IRF6: variants seen among roughly 807,000 people sequenced by gnomAD.
The protein encoded by IRF6 is Van der Woude syndrome.
IRF6 carries 6 observed loss-of-function variants against 51.4 expected under a neutral mutation model. The observed-to-expected ratio is 0.12, with a 90% CI of 0.06 to 0.23. The LOEUF is 0.23. Among genes scored for constraint, IRF6 ranks in the 10% least tolerant of loss-of-function variants. IRF6 has a pLI of 1.00. For synonymous variants in IRF6, 178 were observed against 215.7 expected (o/e 0.83, Z 1.53); for missense variants, 348 against 585.2 (o/e 0.59, Z 4.18).
intron 1 of IRF6, among the ~76,000 whole-genome samples, chr1:209,803,730 G>A (rs1238134237): frequency 1.3e-5 from 2 of 152,150 alleles, no homozygotes; most frequent in Non-Finnish European, 2.9e-5. Flanking sequence ...AGGCAGAGAT[G>A]GAACAATTGA....
At chr1:209,792,787 G>C (rs1036734450) in intron 5 of IRF6, 1 of 312,894 alleles carries the variant, frequency 3.2e-6, no homozygotes, top group Non-Finnish European at 6.1e-6. Context: ...TCCATAAAAC[G>C]AACTCAGCTA....
In IRF6 at chr1:209,801,281, G is replaced by A. The variant is rs774307404; in HGVS notation, c.133C>T (p.Arg45Trp). ...TCCTCTTCTTGTTGAGGGCTATGCC[G>A]GGTGGCATGTTTCCAGGGAATCTGG... ...RFQIPWKHAT[R>W]HSPQQEEENT... The change falls in exon 3 of 9, where the codon CGG (arginine) becomes TGG (tryptophan). Residue 45 changes from arginine to tryptophan, a missense_variant. Arg to Trp is a moderately radical substitution (Grantham distance 101). This residue lies in a region of IRF6 where 48 missense variants were observed against 128.1 expected (regional missense o/e 0.37). Coordinates refer to ENST00000367021, the MANE Select transcript of IRF6 (RefSeq NM_006147.4). 11 of 1,613,822 alleles carry A rather than the reference G, an allele frequency of 6.8e-6. No individual in the cohort carries two copies. The highest frequency in any genetic ancestry group is 5.9e-6 in the Non-Finnish European group (7 of 1,179,970).
chr1:209,792,457 G>A, intron 5 of IRF6, 30 bp from the exon 6 acceptor site: 1 of 1,610,664 alleles, frequency 6.2e-7, no homozygotes, highest in Non-Finnish European at 8.5e-7. Flanking sequence ...TGAGCAGACA[G>A]GGGTACCACA....
Position 209,788,356 on chromosome 1 carries a change from A to C in IRF6, c.*64T>G. On this transcript the variant is annotated 3_prime_UTR_variant, in exon 9 of 9. Coordinates refer to ENST00000367021, the MANE Select transcript of IRF6 (RefSeq NM_006147.4). ...GAGATTTAAAAGCTGGTTAAATCTA[A>C]ACAATAAAAAAATCCATATGTACAA... 8.9e-7 allele frequency: 1 copy of C among 1,121,012 alleles called. No homozygotes were observed. Among genetic ancestry groups the C allele is most frequent in the Non-Finnish European group, 1.3e-6 (1 of 748,824 alleles). 69.4% of individuals were successfully genotyped at this position (1,121,012 alleles called of 1,614,324 possible).
At chr1:209,789,463 A>T (rs2077855600) in intron 8 of IRF6, among the ~76,000 whole-genome samples, 1 of 152,026 alleles carries the variant, frequency 6.6e-6, no homozygotes, top group South Asian at 2.1e-4. Flanking sequence ...GAAAGATAAG[A>T]TCTCCACTAA....
chr1:209,802,839 T>C (rs1206179708), intron 1 of IRF6, among the ~76,000 whole-genome samples: 1 of 152,178 alleles, frequency 6.6e-6, no homozygotes, highest in Non-Finnish European at 1.5e-5. Context: ...AGCTGAAGGC[T>C]CCTACTCAGA....
chr1:209,796,607 A>T lies in IRF6; in HGVS notation c.175-55T>A, dbSNP rs1380106941. On this transcript the variant is annotated intron_variant, in intron 3 of 8. Coordinates refer to ENST00000367021, the MANE Select transcript of IRF6 (RefSeq NM_006147.4). The surrounding 1 kb of genome is among the most constrained non-coding windows in gnomAD (Gnocchi z 4.5). ...TCATTGCCCAGAGCCACTGCAAAGCATGTGCTTACCCTTTCTCATAGACAC... is the reference window on the plus strand; with the variant it reads ...TCATTGCCCAGAGCCACTGCAAAGCTTGTGCTTACCCTTTCTCATAGACAC... 17 of 1,251,446 alleles carry T rather than the reference A, an allele frequency of 1.4e-5. No individual in the cohort carries two copies. Among genetic ancestry groups the T allele is most frequent in the Admixed American group, 1.7e-5 (1 of 57,312 alleles). The allele number at this position is 1,251,446 out of a possible 1,614,324, so 77.5% of individuals were successfully genotyped here. A position where few individuals can be genotyped will look rare whatever the true frequency, so the allele number is the denominator to read the frequency against.
At position 209,790,857 on chromosome 1, in the gene IRF6, C is replaced by T. The variant is rs778658110; in HGVS notation, c.698G>A (p.Arg233His). 5.6e-6 allele frequency: 9 copies of T among 1,612,948 alleles called. No individual in the cohort carries two copies. Among genetic ancestry groups the T allele is most frequent in the African/African-American group, 2.7e-5 (2 of 74,894 alleles). ...MTDLDIKFQYRGKEYGQTMTV... is the reference protein window; with the variant it reads ...MTDLDIKFQYHGKEYGQTMTV... ...CATGGTCTGCCCGTACTCCTTCCCA[C>T]GGTACTGAAACTTGATGTCCAGGTC... Residue 233 changes from arginine (R) to histidine (H), a missense_variant, in exon 7 of 9, where the codon CGT becomes CAT. Transcript: ENST00000367021. The surrounding 1 kb of genome is among the most constrained non-coding windows in gnomAD (Gnocchi z 4.8).
chr1:209,785,989 T>C lies in IRF6; in HGVS notation c.*2431A>G, dbSNP rs2077831055. On this transcript the variant is annotated 3_prime_UTR_variant, in exon 9 of 9. Coordinates refer to ENST00000367021, the MANE Select transcript of IRF6 (RefSeq NM_006147.4). ...AGGTTCTTTTTAACTTGAACTAATC[T>C]TGTTTGGTGGGGTACACAGTGAGGA... 1 of 152,216 alleles carries C rather than the reference T, an allele frequency of 6.6e-6. No individual in the cohort carries two copies. 9.4% of individuals were successfully genotyped at this position (152,216 alleles called of 1,614,324 possible).
intron 6 of IRF6, among the ~76,000 whole-genome samples, chr1:209,791,182 T>C (rs915361934): frequency 6.6e-5 from 10 of 152,222 alleles, no homozygotes; most frequent in Admixed American, 6.5e-4. Context: ...CCCCACGCTA[T>C]ACTGACTGAG....
At position 209,786,407 on chromosome 1, in the gene IRF6, C is replaced by A. The variant is rs933149261; in HGVS notation, c.*2013G>T. 1 of 152,140 alleles carries A rather than the reference C, an allele frequency of 6.6e-6. No individual in the cohort carries two copies. The highest frequency in any genetic ancestry group is 2.4e-5 in the African/African-American group (1 of 41,414). 9.4% of individuals were successfully genotyped at this position (152,140 alleles called of 1,614,324 possible). ...TTTACCAGCTCACATTATCTGGGCT[C>A]CCACCCAGGCTACAGATAGCCTGGC... On this transcript the variant is annotated 3_prime_UTR_variant, in exon 9 of 9. Transcript: ENST00000367021.
At chr1:209,792,624 A>G (rs533638807) in intron 5 of IRF6, 197 bp from the exon 6 acceptor site, 19 of 610,266 alleles carry the variant, frequency 3.1e-5, no homozygotes, top group Non-Finnish European at 5.5e-5. Flanking sequence ...TCCTAGTCAT[A>G]TTATTTCTCC....
Position 209,796,560 on chromosome 1 carries a change from C to T in IRF6, c.175-8G>A. The T allele has an allele frequency of 6.2e-7, 1 of 1,604,558 alleles. No individual in the cohort carries two copies. The highest frequency in any genetic ancestry group is 8.5e-7 in the Non-Finnish European group (1 of 1,175,112). ...TGTCTCTACAGCCCAGGCCTGAGAA[C>T]AAGAAACCACAGTGAGTCCTATCAT... is the stretch of plus-strand genomic sequence containing the variant. On this transcript the variant is annotated splice_polypyrimidine_tract_variant and splice_region_variant and intron_variant, in intron 3 of 8. Coordinates refer to ENST00000367021, the MANE Select transcript of IRF6 (RefSeq NM_006147.4). This position sits in a 1 kb window ranked among gnomAD's most constrained non-coding sequence, Gnocchi z 4.5.
chr1:209,804,120 C>T (rs913521638), intron 1 of IRF6, among the ~76,000 whole-genome samples: 2 of 152,124 alleles, frequency 1.3e-5, no homozygotes, highest in African/African-American at 4.8e-5. Flanking sequence ...TAAAAAACTA[C>T]AAGTAATTTT....
At chr1:209,797,370 CAAAAAAAAAAA>C (rs11418099) in intron 3 of IRF6, among the ~76,000 whole-genome samples, 13 of 48,592 alleles carry the variant, frequency 2.7e-4, no homozygotes, top group African/African-American at 6.4e-4. Context: ...AACTTCATCT[CAAAAAAAAAAA>C]AAAAAAAAAA....
At chr1:209,805,047 G>T (rs1346659842) in intron 1 of IRF6, among the ~76,000 whole-genome samples, 1 of 152,088 alleles carries the variant, frequency 6.6e-6, no homozygotes, top group Non-Finnish European at 1.5e-5. Context: ...GAAGCTGGGG[G>T]ATGGCGAATG....
At chr1:209,797,302 G>A (rs756427307) in intron 3 of IRF6, among the ~76,000 whole-genome samples, 8 of 147,098 alleles carry the variant, frequency 5.4e-5, no homozygotes, top group South Asian at 2.2e-4. Flanking sequence ...CCCGGGAGGT[G>A]GAGATTGTAG....
chr1:209,802,344 A>G (rs943220049), intron 1 of IRF6, among the ~76,000 whole-genome samples: 1 of 152,212 alleles, frequency 6.6e-6, no homozygotes, highest in African/African-American at 2.4e-5. Context: ...AAAGTCTGCA[A>G]TTGATTCTTG....
At chr1:209,805,468 CCAAA>C (rs1241591227) in intron 1 of IRF6, among the ~76,000 whole-genome samples, 3 of 152,202 alleles carry the variant, frequency 2.0e-5, no homozygotes. Flanking sequence ...CCTAACTGTG[CCAAA>C]CAGACTCAGG....
Sources: allele counts gnomAD v4.1 joint callset (sites outside exome capture counted in the v4.1 genomes callset), GRCh38; gene constraint gnomAD v4.1.1; regional missense constraint gnomAD v4.1.1; non-coding constraint Gnocchi (gnomAD v3.1); transcripts MANE v1.5; gene names NCBI Gene and HGNC (gene_info 2026-07-23, HGNC 2026-07-21).